Variants in KDM3B observed in about 807,000 individuals in gnomAD.
KDM3B encodes the protein lysine-specific demethylase 3B.
KDM3B carries 10 observed loss-of-function variants against 170.0 expected under a neutral mutation model. The ratio of observed to expected loss-of-function variants is 0.06; its 90% CI spans 0.04 to 0.10. KDM3B has a LOEUF of 0.10. KDM3B is among the 10% of genes least tolerant of loss of function. The pLI, the probability that KDM3B is intolerant of heterozygous loss-of-function variation, is 1.00. For synonymous variants in KDM3B, 831 were observed against 834.8 expected (o/e 1.00, Z 0.08); for missense variants, 1,394 against 2,195.2 (o/e 0.64, Z 7.29).
At chr5:138,384,052 C>T (rs949175879) in intron 6 of KDM3B, among the ~76,000 whole-genome samples, 17 of 148,624 alleles carry the variant, frequency 1.1e-4, no homozygotes, top group African/African-American at 3.5e-4. Context: ...GTCAGGAGAT[C>T]GAGACCATGG....
Position 138,357,090 on chromosome 5 carries a change from G to C in KDM3B, c.192+4103G>C, listed in dbSNP as rs545924505. Among the ~76,000 whole-genome samples the C allele has an allele frequency of 8.7e-4, 132 of 151,468 alleles. 4 individuals carry two copies. The South Asian group carries it at 0.027, about 30-fold the overall frequency. On this transcript the variant is annotated intron_variant, in intron 1 of 23. Transcript: ENST00000314358. Reference sequence around the variant, plus strand: ...GCTGGAGTGCAGGGGCATAATTACAGCTCACTGCTGGGCTCAAGCAATCCT... The same window carrying C: ...GCTGGAGTGCAGGGGCATAATTACACCTCACTGCTGGGCTCAAGCAATCCT...
intron 14 of KDM3B, 89 bp downstream of exon 14, chr5:138,419,321 T>A (rs1763192303): frequency 2.9e-6 from 4 of 1,401,450 alleles, no homozygotes; most frequent in Non-Finnish European, 3.9e-6. Context: ...ACCATCCACA[T>A]TTATGAAACA....
intron 1 of KDM3B, among the ~76,000 whole-genome samples, chr5:138,362,118 G>A (rs1463710083): frequency 6.6e-6 from 1 of 151,962 alleles, no homozygotes; most frequent in Non-Finnish European, 1.5e-5. Context: ...CCAGGAGTTC[G>A]AGACCAGTCT....
chr5:138,389,544 C>T (rs976821571), intron 7 of KDM3B, among the ~76,000 whole-genome samples: 4 of 152,046 alleles, frequency 2.6e-5, no homozygotes, highest in African/African-American at 9.7e-5. Flanking sequence ...ACTATGAAGA[C>T]TATCTAGATC....
intron 1 of KDM3B, among the ~76,000 whole-genome samples, chr5:138,356,026 A>G (rs1353634586): frequency 6.6e-6 from 1 of 152,156 alleles, no homozygotes; most frequent in East Asian, 1.9e-4. Flanking sequence ...TTGACAGTAT[A>G]CCATGGGGAT....
At chr5:138,354,276 C>T (rs1761400109) in intron 1 of KDM3B, among the ~76,000 whole-genome samples, 1 of 152,118 alleles carries the variant, frequency 6.6e-6, no homozygotes, top group Admixed American at 6.5e-5. Context: ...TATAAGGCCT[C>T]AGTGGGGCAA....
At chr5:138,388,130 T>A (rs1440618225) in intron 7 of KDM3B, among the ~76,000 whole-genome samples, 1 of 152,126 alleles carries the variant, frequency 6.6e-6, no homozygotes, top group African/African-American at 2.4e-5. Context: ...GCAGTGTGAA[T>A]GTAAATGGAG....
At position 138,414,143 on chromosome 5, in the gene KDM3B, A is replaced by G. The variant is rs1005887984; in HGVS notation, c.3200-989A>G. 1.1e-4 allele frequency among the ~76,000 whole-genome samples: 16 copies of G among 152,092 alleles called. 1 individual carries two copies. Among genetic ancestry groups the G allele is most frequent in the Non-Finnish European group, 1.8e-4 (12 of 68,022 alleles). On this transcript the variant is annotated intron_variant, in intron 11 of 23. Coordinates refer to ENST00000314358, the MANE Select transcript of KDM3B (RefSeq NM_016604.4). ...TGCATCCTACATGCTTCCATTTTAT[A>G]TGACATTTTTGAAAGGCAAAACTTA...
chr5:138,387,246 G>A (rs1035160238), intron 7 of KDM3B, among the ~76,000 whole-genome samples: 1 of 152,106 alleles, frequency 6.6e-6, no homozygotes, highest in Admixed American at 6.5e-5. Flanking sequence ...TCTGTTAAAT[G>A]TAAGTTAACA....
chr5:138,424,914 T>C (rs1763357327), intron 16 of KDM3B, among the ~76,000 whole-genome samples: 1 of 152,236 alleles, frequency 6.6e-6, no homozygotes, highest in Non-Finnish European at 1.5e-5. Context: ...TGATCTGGCA[T>C]TGATATCTTT....
At chr5:138,406,661 A>G (rs1198569403) in intron 11 of KDM3B, among the ~76,000 whole-genome samples, 1 of 150,852 alleles carries the variant, frequency 6.6e-6, no homozygotes, top group Admixed American at 6.6e-5. Flanking sequence ...GAAAAGTTAA[A>G]CAATTAACTT....
chr5:138,395,663 C>T (rs1292201930), intron 9 of KDM3B, among the ~76,000 whole-genome samples: 1 of 152,030 alleles, frequency 6.6e-6, no homozygotes, highest in Non-Finnish European at 1.5e-5. Context: ...GTTGCCCAGG[C>T]TGGAGTGCAA....
In KDM3B at chr5:138,372,802, C is replaced by G. The variant is rs748517739; in HGVS notation, c.321C>G (p.Leu107=). 10 of 1,613,990 alleles carry G rather than the reference C, an allele frequency of 6.2e-6. No homozygotes were observed. The South Asian group carries it at 1.1e-4, about 18-fold the overall frequency. The change falls in exon 2 of 24, where the codon CTC becomes CTG. Residue 107 remains leucine, a synonymous_variant. Coordinates refer to ENST00000314358, the MANE Select transcript of KDM3B (RefSeq NM_016604.4). ...VWAPREDPVL[L]QGIRVSIAQW... ...CGCCCCGTGAGGACCCAGTCCTTCT[C>G]CAGGGCATTCGAGTCTCCATTGCAC... is the stretch of plus-strand genomic sequence containing the variant.
chr5:138,431,400 C>T (rs1043806331), intron 22 of KDM3B, 25 bp from the exon 23 acceptor site: 1 of 1,544,190 alleles, frequency 6.5e-7, no homozygotes, highest in Non-Finnish European at 8.8e-7. Context: ...TCTGATATTT[C>T]TCCTCTGCAC....
intron 7 of KDM3B, among the ~76,000 whole-genome samples, chr5:138,389,449 A>T (rs894904012): frequency 9.9e-5 from 15 of 152,182 alleles, no homozygotes; most frequent in African/African-American, 3.6e-4. Flanking sequence ...TTTTTTTTTA[A>T]TTGTAGTAAA....
At position 138,352,864 on chromosome 5, in the gene KDM3B, A is replaced by G. The variant is rs956919421; in HGVS notation, c.69A>G (p.Ser23=). 13 of 1,375,480 alleles carry G rather than the reference A, an allele frequency of 9.5e-6. No individual in the cohort carries two copies. The highest frequency in any genetic ancestry group is 1.0e-5 in the Non-Finnish European group (11 of 1,061,354). The allele number at this position is 1,375,480 out of a possible 1,614,324, so 85.2% of individuals were successfully genotyped here. Residue 23 remains serine (S), a synonymous_variant, in exon 1 of 24, where the codon TCA becomes TCG. Coordinates refer to ENST00000314358, the MANE Select transcript of KDM3B (RefSeq NM_016604.4). ...LLLLFADTAA[S]ASASAPAAAA... ...TGCTGTTCGCGGACACTGCGGCCTC[A>G]GCCTCGGCCTCGGCTCCCGCGGCGG... is the stretch of plus-strand genomic sequence containing the variant.
At chr5:138,384,798 C>T (rs1762216809) in intron 6 of KDM3B, among the ~76,000 whole-genome samples, 1 of 149,560 alleles carries the variant, frequency 6.7e-6, no homozygotes, top group Non-Finnish European at 1.5e-5. Flanking sequence ...CCTGTAGTCC[C>T]AGCTCCTGGG....
chr5:138,360,013 A>G (rs1022278746), intron 1 of KDM3B, among the ~76,000 whole-genome samples: 1 of 152,108 alleles, frequency 6.6e-6, no homozygotes, highest in Non-Finnish European at 1.5e-5. Flanking sequence ...ACACCTCCCC[A>G]CCGAACCTTT....
chr5:138,398,123 T>C lies in KDM3B; in HGVS notation c.2832-55T>C. ...TCTGTTTAGGTCCCAGGAGTTTAGG[T>C]GTGTGTTAGTTTGCGTTGCTCCTGC... is the stretch of plus-strand genomic sequence containing the variant. On this transcript the variant is annotated intron_variant, in intron 9 of 23. Coordinates refer to ENST00000314358, the MANE Select transcript of KDM3B (RefSeq NM_016604.4). 4 of 1,317,458 alleles carry C rather than the reference T, an allele frequency of 3.0e-6. No individual in the cohort carries two copies. In the South Asian group the frequency reaches 4.0e-5, roughly 13 times the overall value. The allele number at this position is 1,317,458 out of a possible 1,614,324, so 81.6% of individuals were successfully genotyped here.
Sources: gnomAD v4.1 joint callset for allele counts (sites outside exome capture counted in the v4.1 genomes callset) on GRCh38, gnomAD v4.1.1 for gene constraint, MANE v1.5 for transcripts, NCBI Gene and HGNC (gene_info 2026-07-23, HGNC 2026-07-21) for gene names.